DENND5A: variants seen among roughly 807,000 people sequenced by gnomAD.
DENND5A encodes DENN domain-containing protein 5A.
DENND5A carries 64 observed loss-of-function variants against 140.3 expected under a neutral mutation model. The observed-to-expected ratio is 0.46, with a 90% CI of 0.37 to 0.56. The LOEUF is 0.56. DENND5A is among the 20% of genes least tolerant of loss of function. DENND5A has a pLI of 0.00. For missense variants in DENND5A, 1,292 were observed against 1,593.8 expected, an observed-to-expected ratio of 0.81 and a Z score of 3.22; for synonymous variants, 605 against 607.7, an observed-to-expected ratio of 1.00 and a Z score of 0.07.
At chr11:9,183,156 A>G (rs554856228) in intron 5 of DENND5A, among the ~76,000 whole-genome samples, 2 of 152,304 alleles carry the variant, frequency 1.3e-5, no homozygotes, top group East Asian at 1.9e-4. Flanking sequence ...TCATATTTGT[A>G]TATTTATCTT....
Position 9,253,307 on chromosome 11 carries a change from G to A in DENND5A, c.109+11654C>T, listed in dbSNP as rs538374404. Among the ~76,000 whole-genome samples, 4 of 152,130 alleles carry A rather than the reference G, an allele frequency of 2.6e-5. No homozygotes were observed. In the East Asian group the frequency reaches 7.7e-4, roughly 29 times the overall value. The stretch of plus-strand genomic sequence containing the variant: ...TTTTTAACCTAGGAAGGAAGGAAGG[G>A]CTGAGCAGACTCTAAGAGAATTTGG... On this transcript the variant is annotated intron_variant, in intron 1 of 22. Transcript: ENST00000328194.
chr11:9,246,684 G>C lies in DENND5A; in HGVS notation c.109+18277C>G, dbSNP rs1282231597. 4.7e-5 allele frequency among the ~76,000 whole-genome samples: 7 copies of C among 149,014 alleles called. No homozygotes were observed. In the Admixed American group the frequency reaches 4.7e-4, roughly 10 times the overall value. On this transcript the variant is annotated intron_variant, in intron 1 of 22. Coordinates refer to ENST00000328194, the MANE Select transcript of DENND5A (RefSeq NM_015213.4). The stretch of plus-strand genomic sequence containing the variant: ...ATAACTTTCTAAGGTTCTAAGGTTT[G>C]TTCCTGAAGGGCTTAAAGAAAGTCA...
chr11:9,153,741 T>C (rs959997008), intron 12 of DENND5A, among the ~76,000 whole-genome samples: 2 of 152,222 alleles, frequency 1.3e-5, no homozygotes, highest in Non-Finnish European at 2.9e-5. Flanking sequence ...GGTACTTAAC[T>C]GCATGGCTGA....
chr11:9,170,289 G>A, intron 9 of DENND5A: 1 of 984,666 alleles, frequency 1.0e-6, no homozygotes, highest in Non-Finnish European at 1.2e-6. Flanking sequence ...CTACTTTTCA[G>A]TTCAGGTTCT....
chr11:9,203,768 G>A lies in DENND5A; in HGVS notation c.841C>T (p.Leu281=). Residue 281 remains leucine, a synonymous_variant, in exon 4 of 23, where the codon CTA becomes TTA. Transcript: ENST00000328194. The part of the protein sequence containing the change: ...CQRPSTNELP[L]FDFPVKEVFE... ...ACCTCTTTGACAGGAAAGTCAAATA[G>A]GGGAAGCTCATTGGTACTTGGTCTC... 1.2e-6 allele frequency: 2 copies of A among 1,614,172 alleles called. No homozygotes were observed. Among genetic ancestry groups the A allele is most frequent in the Non-Finnish European group, 1.7e-6 (2 of 1,180,026 alleles).
intron 1 of DENND5A, among the ~76,000 whole-genome samples, chr11:9,241,743 G>C (rs991546957): frequency 6.6e-6 from 1 of 152,042 alleles, no homozygotes; most frequent in Admixed American, 6.5e-5. Flanking sequence ...AGCTGGGCGC[G>C]GTGGCTCACG....
At chr11:9,222,332 T>C (rs12290477) in intron 1 of DENND5A, among the ~76,000 whole-genome samples, 1 of 152,184 alleles carries the variant, frequency 6.6e-6, no homozygotes, top group Non-Finnish European at 1.5e-5. Flanking sequence ...AATACTATTA[T>C]TATACCTAGA....
At chr11:9,230,270 T>A (rs1850716779) in intron 1 of DENND5A, among the ~76,000 whole-genome samples, 1 of 122,062 alleles carries the variant, frequency 8.2e-6, no homozygotes, top group Admixed American at 1.0e-4. Flanking sequence ...GAGACAAGTC[T>A]CACTTTTTCA....
At chr11:9,160,125 CA>C (rs1423981392) in intron 12 of DENND5A, among the ~76,000 whole-genome samples, 1 of 152,000 alleles carries the variant, frequency 6.6e-6, no homozygotes, top group Non-Finnish European at 1.5e-5. Flanking sequence ...AACTTCTTTT[CA>C]AAAAATTTCA....
Position 9,147,252 on chromosome 11 carries a change from G to A in DENND5A, c.2736-101C>T, listed in dbSNP as rs976610567. The A allele has an allele frequency of 3.5e-5, 46 of 1,305,486 alleles. No individual in the cohort carries two copies. The Middle Eastern group carries it at 5.9e-4, about 17-fold the overall frequency. 80.9% of individuals were successfully genotyped at this position (1,305,486 alleles called of 1,614,324 possible). A position where few individuals can be genotyped will look rare whatever the true frequency, so the allele number is the denominator to read the frequency against. On this transcript the variant is annotated intron_variant, in intron 15 of 22. Transcript: ENST00000328194. ...GAGACAGCTAAGGGAAGCATAAGAT[G>A]TCAAGCTTCAAGTTCCTTAGGTTCA...
chr11:9,230,902 T>A (rs1348661801), intron 1 of DENND5A, among the ~76,000 whole-genome samples: 1 of 151,940 alleles, frequency 6.6e-6, no homozygotes, highest in African/African-American at 2.4e-5. Flanking sequence ...GATGGGAAGA[T>A]CACTTAAGCC....
chr11:9,208,769 T>G (rs1849773810), intron 1 of DENND5A, among the ~76,000 whole-genome samples: 1 of 152,254 alleles, frequency 6.6e-6, no homozygotes, highest in Admixed American at 6.5e-5. Context: ...CAAATTCTTC[T>G]GAAACTTTCT....
chr11:9,143,977 G>A, intron 19 of DENND5A, 120 bp downstream of exon 19: 3 of 1,213,838 alleles, frequency 2.5e-6, no homozygotes, highest in South Asian at 2.9e-5. Flanking sequence ...TTTGTTAGCA[G>A]AAGTGTTTCC....
intron 1 of DENND5A, among the ~76,000 whole-genome samples, chr11:9,233,495 T>C (rs775259943): frequency 2.0e-5 from 3 of 151,378 alleles, no homozygotes; most frequent in Non-Finnish European, 4.4e-5. Flanking sequence ...CACATCCTAA[T>C]CTCCAGAAGC....
intron 1 of DENND5A, among the ~76,000 whole-genome samples, chr11:9,259,438 C>A (rs1443357079): frequency 1.3e-5 from 2 of 149,270 alleles, no homozygotes. Flanking sequence ...TGGTGGTGGG[C>A]GCCTGTAGTC....
intron 8 of DENND5A, 93 bp downstream of exon 8, chr11:9,178,039 G>A (rs947607642): frequency 5.5e-6 from 5 of 906,740 alleles, no homozygotes; most frequent in African/African-American, 1.6e-5. Context: ...CACAAAGGCA[G>A]AAACAGATAA....
At chr11:9,256,930 A>G (rs1371623992) in intron 1 of DENND5A, among the ~76,000 whole-genome samples, 1 of 152,258 alleles carries the variant, frequency 6.6e-6, no homozygotes, top group Non-Finnish European at 1.5e-5. Context: ...GGACACACAC[A>G]TAAATGATAA....
At chr11:9,262,070 C>T (rs1874821) in intron 1 of DENND5A, among the ~76,000 whole-genome samples, 147,578 of 152,314 alleles carry the variant, frequency 0.97, 71,657 homozygotes, top group East Asian at 1. Context: ...TAACACATAT[C>T]CATTAAGACA....
In DENND5A at chr11:9,203,715, C is replaced by T. The variant is rs755453624; in HGVS notation, c.894G>A (p.Val298=). Residue 298 remains valine, a synonymous_variant, in exon 4 of 23, where the codon GTG becomes GTA. Transcript: ENST00000328194. ...EVFELLGVEN[V]FQLFTCALLE... is the part of the protein sequence containing the mutation. ...GAAGGGCACAAGTAAAAAGCTGAAA[C>T]ACATTCTCCACCCCGAGCAGTTCAA... 6 of 1,614,034 alleles carry T rather than the reference C, an allele frequency of 3.7e-6. No individual in the cohort carries two copies. Among genetic ancestry groups the T allele is most frequent in the East Asian group, 2.2e-5 (1 of 44,894 alleles).
Sources: gnomAD v4.1 joint callset for allele counts (sites outside exome capture counted in the v4.1 genomes callset) on GRCh38, gnomAD v4.1.1 for gene constraint, MANE v1.5 for transcripts, NCBI Gene and HGNC (gene_info 2026-07-23, HGNC 2026-07-21) for gene names.